Variants in DYNC1I1 observed in about 807,000 individuals in gnomAD.
DYNC1I1 encodes the protein cytoplasmic dynein 1 intermediate chain 1.
A neutral mutation model predicts 86.6 loss-of-function variants in DYNC1I1; 43 were observed. That is an observed-to-expected ratio of 0.50 (90% CI 0.39 to 0.64). The LOEUF (loss-of-function observed/expected upper bound fraction) is 0.64, where lower values mean the gene tolerates loss of function less well. DYNC1I1 is among the 30% of genes least tolerant of loss of function. The pLI is 0.00. For synonymous variants in DYNC1I1, 262 were observed against 283.7 expected, an observed-to-expected ratio of 0.92 and a Z score of 0.77; for missense variants, 604 against 788.8, an observed-to-expected ratio of 0.77 and a Z score of 2.81.
downstream of DYNC1I1, among the ~76,000 whole-genome samples, chr7:96,100,683 G>GTGTGTGTGTGTGTGTGT (rs1242772590): frequency 1.5e-5 from 1 of 66,460 alleles, no homozygotes; most frequent in Non-Finnish European, 2.9e-5. Context: ...TGTGTGTGTG[G>GTGTGTGTGTGTGTGTGT]TAAGGAAGAG....
At chr7:96,014,637 G>A (rs1174455059) in intron 10 of DYNC1I1, among the ~76,000 whole-genome samples, 1 of 152,112 alleles carries the variant, frequency 6.6e-6, no homozygotes, top group Non-Finnish European at 1.5e-5. Flanking sequence ...TTCTGTGTGG[G>A]GAACTATAAG....
chr7:95,828,200 G>A, intron 5 of DYNC1I1, 84 bp downstream of exon 5: 1 of 1,477,968 alleles, frequency 6.8e-7, no homozygotes, highest in African/African-American at 1.4e-5. Context: ...TTGCTCTTGT[G>A]TTCTCCCCTT....
chr7:95,790,933 G>A (rs1794285939), intron 1 of DYNC1I1, among the ~76,000 whole-genome samples: 1 of 152,118 alleles, frequency 6.6e-6, no homozygotes, highest in South Asian at 2.1e-4. Context: ...GGGATTGGTG[G>A]TCCTTAAAAT....
intron 11 of DYNC1I1, among the ~76,000 whole-genome samples, chr7:96,030,288 A>G (rs1794775950): frequency 6.6e-6 from 1 of 151,548 alleles, no homozygotes; most frequent in South Asian, 2.1e-4. Context: ...CTATACTGGA[A>G]AAATGGGTAT....
chr7:96,046,380 G>A (rs1320401940), intron 14 of DYNC1I1, among the ~76,000 whole-genome samples: 3 of 152,124 alleles, frequency 2.0e-5, no homozygotes, highest in African/African-American at 7.2e-5. Flanking sequence ...AACATTTATC[G>A]AGGTCATACT....
intron 6 of DYNC1I1, among the ~76,000 whole-genome samples, chr7:95,885,424 G>A (rs1017598213): frequency 6.6e-6 from 1 of 152,038 alleles, no homozygotes; most frequent in Non-Finnish European, 1.5e-5. Context: ...TGATCCATTC[G>A]CCTCAGCCTC....
At chr7:95,990,673 A>AATG (rs78100225) in intron 9 of DYNC1I1, among the ~76,000 whole-genome samples, 11,820 of 152,222 alleles carry the variant, frequency 0.078, 553 homozygotes, top group Non-Finnish European at 0.1. Context: ...TCATTCATGA[A>AATG]ATGATAATAA....
At chr7:95,792,316 C>T (rs1319896863) in intron 1 of DYNC1I1, among the ~76,000 whole-genome samples, 1 of 152,122 alleles carries the variant, frequency 6.6e-6, no homozygotes, top group Non-Finnish European at 1.5e-5. Context: ...GGCACCTTGG[C>T]ATATTGAATA....
At chr7:95,834,180 AG>A (rs1174983771) in intron 5 of DYNC1I1, among the ~76,000 whole-genome samples, 3 of 63,480 alleles carry the variant, frequency 4.7e-5, no homozygotes, top group African/African-American at 2.4e-4. Flanking sequence ...TTTAGCATGA[AG>A]GGTTGTTGAA....
intron 1 of DYNC1I1, among the ~76,000 whole-genome samples, chr7:95,784,910 G>A (rs1050393188): frequency 7.9e-5 from 12 of 151,962 alleles, no homozygotes; most frequent in African/African-American, 2.7e-4. Flanking sequence ...CTTTCTTTTG[G>A]CCAGGTTCTG....
rs746768710 is a variant in DYNC1I1, at chr7:95,828,130, C to T, written c.374+14C>T. The T allele has an allele frequency of 6.2e-7, 1 of 1,613,470 alleles. No individual in the cohort carries two copies. The highest frequency in any genetic ancestry group is 1.1e-5 in the South Asian group (1 of 91,046). ...CTCAGAACTTGGGTATATGTCTGCTCTTTTGTTACTCCTTTTATTATTTCT... is the reference window on the plus strand; with the variant it reads ...CTCAGAACTTGGGTATATGTCTGCTTTTTTGTTACTCCTTTTATTATTTCT... On this transcript the variant is annotated intron_variant, in intron 5 of 16. Transcript: ENST00000447467.
At chr7:96,017,378 C>T (rs556783109) in intron 10 of DYNC1I1, among the ~76,000 whole-genome samples, 2 of 152,206 alleles carry the variant, frequency 1.3e-5, no homozygotes, top group African/African-American at 4.8e-5. Flanking sequence ...GGCCTAGCAA[C>T]TTGGGTTTTA....
At chr7:95,954,550 A>G (rs1286160332) in intron 6 of DYNC1I1, among the ~76,000 whole-genome samples, 1 of 152,126 alleles carries the variant, frequency 6.6e-6, no homozygotes, top group Non-Finnish European at 1.5e-5. Flanking sequence ...TAAAAGCTGA[A>G]TGCTAAAACT....
chr7:95,867,536 G>A (rs546590817), intron 5 of DYNC1I1, among the ~76,000 whole-genome samples: 3 of 152,166 alleles, frequency 2.0e-5, no homozygotes, highest in Non-Finnish European at 4.4e-5. Context: ...GTTTCAGTCC[G>A]CCATGGTGGA....
At chr7:96,085,996 A>C (rs577839524) in intron 16 of DYNC1I1, among the ~76,000 whole-genome samples, 155 of 152,330 alleles carry the variant, frequency 1.0e-3, no homozygotes, top group African/African-American at 3.6e-3. Flanking sequence ...ACTCATTGCC[A>C]TGTCTCCATT....
At chr7:95,995,642 G>A (rs1793847280) in intron 9 of DYNC1I1, among the ~76,000 whole-genome samples, 1 of 152,172 alleles carries the variant, frequency 6.6e-6, no homozygotes, top group Admixed American at 6.6e-5. Context: ...AAAATCAGGA[G>A]AGAAAGATGT....
chr7:95,842,049 C>G (rs768337872), intron 5 of DYNC1I1, among the ~76,000 whole-genome samples: 1 of 152,102 alleles, frequency 6.6e-6, no homozygotes, highest in African/African-American at 2.4e-5. Context: ...ATTGTGTGTA[C>G]GGTTCAAACC....
chr7:95,869,804 A>G (rs1315749962), intron 5 of DYNC1I1, 79 bp from the exon 6 acceptor site: 2 of 1,347,892 alleles, frequency 1.5e-6, no homozygotes, highest in African/African-American at 1.5e-5. Context: ...TGTTTGTTTT[A>G]GTGCTTTCTT....
chr7:95,889,426 T>A (rs1194367442), intron 6 of DYNC1I1, among the ~76,000 whole-genome samples: 4 of 152,148 alleles, frequency 2.6e-5, no homozygotes, highest in Non-Finnish European at 4.4e-5. Context: ...ACTCCTATGT[T>A]ACACCATACA....
Sources: gnomAD v4.1 joint callset for allele counts (sites outside exome capture counted in the v4.1 genomes callset) on GRCh38, gnomAD v4.1.1 for gene constraint, MANE v1.5 for transcripts, NCBI Gene and HGNC (gene_info 2026-07-23, HGNC 2026-07-21) for gene names.